The following VPS53 variants were observed in gnomAD, a reference collection of about 807,000 sequenced individuals.
VPS53 encodes the protein VPS53 subunit of GARP complex.
Under a neutral mutation model 107.0 loss-of-function variants are expected in VPS53, and 70 were observed. That is an observed-to-expected ratio of 0.65 (90% confidence interval 0.54 to 0.80). VPS53 has a LOEUF of 0.80. Ranked by LOEUF, VPS53 falls within the 30% of genes least tolerant of loss-of-function variation. The pLI, the probability that VPS53 is intolerant of heterozygous loss-of-function variation, is 0.00. For synonymous variants in VPS53, 409 were observed against 393.3 expected, an observed-to-expected ratio of 1.04 and a Z score of -0.47; for missense variants, 917 against 1,049.4, an observed-to-expected ratio of 0.87 and a Z score of 1.74.
chr17:700,023 AT>A (rs1567749916), intron 2 of VPS53, among the ~76,000 whole-genome samples: 1 of 152,104 alleles, frequency 6.6e-6, no homozygotes, highest in Non-Finnish European at 1.5e-5. Flanking sequence ...TTACATGGCT[AT>A]GTTCATTTTG....
chr17:663,171 C>T (rs1044368806), intron 4 of VPS53, among the ~76,000 whole-genome samples: 3 of 152,176 alleles, frequency 2.0e-5, no homozygotes, highest in Non-Finnish European at 2.9e-5. Context: ...CCACTGCACT[C>T]CAGCCTGGTG....
At chr17:648,886 C>A (rs1247313307) in intron 7 of VPS53, among the ~76,000 whole-genome samples, 4 of 113,952 alleles carry the variant, frequency 3.5e-5, no homozygotes, top group African/African-American at 1.0e-4. Flanking sequence ...AGGAATGGAA[C>A]AGGCACTAAG....
intron 12 of VPS53, among the ~76,000 whole-genome samples, chr17:595,940 C>T (rs1344536342): frequency 6.9e-6 from 1 of 144,194 alleles, no homozygotes; most frequent in Non-Finnish European, 1.5e-5. Context: ...GGATCAATTT[C>T]CTCGTTTGAT....
intron 17 of VPS53, among the ~76,000 whole-genome samples, chr17:550,455 A>G (rs191532748): frequency 2.2e-3 from 328 of 152,328 alleles, no homozygotes; most frequent in African/African-American, 7.5e-3. Flanking sequence ...CAATTCTACC[A>G]CTATATTGCA....
intron 4 of VPS53, among the ~76,000 whole-genome samples, chr17:681,965 T>C (rs766644194): frequency 1.1e-4 from 16 of 152,144 alleles, no homozygotes; most frequent in Admixed American, 7.9e-4. Flanking sequence ...AGTTCCAGCA[T>C]AGGAATCGTG....
At position 553,696 on chromosome 17, in the gene VPS53, G is replaced by C. The variant is rs376025164; in HGVS notation, c.1705-234C>G. 3.8e-3 allele frequency among the ~76,000 whole-genome samples: 577 copies of C among 149,966 alleles called. 5 individuals carry two copies. The highest frequency in any genetic ancestry group is 0.01 in the Middle Eastern group (3 of 292). ...AGCAATTCTCCTGCCTCAGCCTCCCGAGTAGCTGGGACTACAGGCGTGCGC... is the reference window on the plus strand; with the variant it reads ...AGCAATTCTCCTGCCTCAGCCTCCCCAGTAGCTGGGACTACAGGCGTGCGC... On this transcript the variant is annotated intron_variant, in intron 15 of 21. Transcript: ENST00000437048.
Position 631,480 on chromosome 17 carries a change from G to T in VPS53, c.687+70C>A. ...ATGACTGGAATGATAACCACATGGT[G>T]ACTGGGGTGAGCGTGAGCTCGGCAA... On this transcript the variant is annotated intron_variant, in intron 8 of 21. Coordinates refer to ENST00000437048, the MANE Select transcript of VPS53 (RefSeq NM_001128159.3). 3.4e-6 allele frequency: 5 copies of T among 1,485,906 alleles called. No homozygotes were observed. The South Asian group carries it at 5.7e-5, about 17-fold the overall frequency. The allele number at this position is 1,485,906 out of a possible 1,614,324, so 92.0% of individuals were successfully genotyped here. A position where few individuals can be genotyped will look rare whatever the true frequency, so the allele number is the denominator to read the frequency against.
chr17:539,254 G>C (rs1303582730), intron 17 of VPS53: 1 of 152,220 alleles, frequency 6.6e-6, no homozygotes, highest in Non-Finnish European at 1.5e-5. Context: ...CAGCTCTGAA[G>C]CAAGACCAAG....
chr17:624,696 G>A (rs1443444772), intron 10 of VPS53, among the ~76,000 whole-genome samples: 1 of 152,116 alleles, frequency 6.6e-6, no homozygotes, highest in Non-Finnish European at 1.5e-5. Flanking sequence ...TCTAGCATAC[G>A]TCCAGCCTCT....
At chr17:627,770 C>T (rs965447083) in intron 9 of VPS53, among the ~76,000 whole-genome samples, 1 of 40,432 alleles carries the variant, frequency 2.5e-5, no homozygotes, top group African/African-American at 9.7e-5. Context: ...AGCGAAACTC[C>T]GTCTCACACA....
chr17:676,801 C>A (rs1972179554), intron 4 of VPS53, among the ~76,000 whole-genome samples: 1 of 151,430 alleles, frequency 6.6e-6, no homozygotes, highest in Non-Finnish European at 1.5e-5. Context: ...GGAAACAGTC[C>A]AACTGCTGGA....
At position 565,762 on chromosome 17, in the gene VPS53, G is replaced by A. The variant is rs562510346; in HGVS notation, c.1314-3017C>T. ...CTCCCGGTCACTGGGCCTGTGTGAC[G>A]TCCTGGCCAAAACGCTCTCCCACCA... On this transcript the variant is annotated intron_variant, in intron 13 of 21. Transcript: ENST00000437048. 6.6e-5 allele frequency among the ~76,000 whole-genome samples: 10 copies of A among 152,174 alleles called. No homozygotes were observed. In the East Asian group the frequency reaches 1.2e-3, roughly 18 times the overall value.
At chr17:610,653 C>G (rs1047171620) in intron 11 of VPS53, among the ~76,000 whole-genome samples, 3 of 151,476 alleles carry the variant, frequency 2.0e-5, no homozygotes, top group Admixed American at 2.0e-4. Context: ...TGGTGGCTCA[C>G]GCCTATAATC....
At chr17:691,872 T>C (rs1597492935) in intron 4 of VPS53, among the ~76,000 whole-genome samples, 2 of 152,354 alleles carry the variant, frequency 1.3e-5, no homozygotes, top group East Asian at 3.9e-4. Flanking sequence ...CTAATTTGCA[T>C]GCTAAAGTTT....
At chr17:610,791 A>G (rs998833233) in intron 11 of VPS53, among the ~76,000 whole-genome samples, 7 of 151,060 alleles carry the variant, frequency 4.6e-5, no homozygotes, top group Admixed American at 2.6e-4. Flanking sequence ...TACAAAAATT[A>G]GCCTGGCATG....
chr17:519,358 A>G lies in VPS53; in HGVS notation c.2329-60T>C. 1 of 1,424,658 alleles carries G rather than the reference A, an allele frequency of 7.0e-7. No individual in the cohort carries two copies. The highest frequency in any genetic ancestry group is 9.2e-7 in the Non-Finnish European group (1 of 1,084,006). 88.3% of individuals were successfully genotyped at this position (1,424,658 alleles called of 1,614,324 possible). A position where few individuals can be genotyped will look rare whatever the true frequency, so the allele number is the denominator to read the frequency against. ...TCTGGGCCAGAATGGCCCACGGGGG[A>G]CAGCGCAGTATCTGGATATGGGGTC... On this transcript the variant is annotated intron_variant, in intron 21 of 21. Transcript: ENST00000437048. This position sits in a 1 kb window ranked among gnomAD's most constrained non-coding sequence, Gnocchi z 5.0.
At chr17:568,249 T>G (rs1049763360) in intron 13 of VPS53, among the ~76,000 whole-genome samples, 5 of 152,094 alleles carry the variant, frequency 3.3e-5, no homozygotes, top group Admixed American at 2.6e-4. Flanking sequence ...ATAACTTATT[T>G]ATTTATTTTT....
rs574229668 is a variant in VPS53 at position 700,318 on chromosome 17, G to A, written c.169-938C>T. Among the ~76,000 whole-genome samples, 90 of 152,118 alleles carry A rather than the reference G, an allele frequency of 5.9e-4. No individual in the cohort carries two copies. In the South Asian group the frequency reaches 0.018, roughly 31 times the overall value. ...AGCACTTTGGGAGGCCAAGGCAGGC[G>A]GATCACCTGAGGTCAGGAGTTTGAG... On this transcript the variant is annotated intron_variant, in intron 2 of 21. Transcript: ENST00000437048.
At chr17:547,399 C>G (rs59606694) in intron 17 of VPS53, among the ~76,000 whole-genome samples, 1 of 152,086 alleles carries the variant, frequency 6.6e-6, no homozygotes, top group African/African-American at 2.4e-5. Flanking sequence ...GAAAACACTA[C>G]GCTAAGTGAA....
Sources: gnomAD v4.1 joint callset for allele counts (sites outside exome capture counted in the v4.1 genomes callset) on GRCh38, gnomAD v4.1.1 for gene constraint, Gnocchi (gnomAD v3.1) non-coding constraint, MANE v1.5 for transcripts, NCBI Gene and HGNC (gene_info 2026-07-23, HGNC 2026-07-21) for gene names.